SNAP23: variants seen among roughly 807,000 people sequenced by gnomAD.
SNAP23 encodes the protein synaptosome associated protein 23.
SNAP23 carries 11 observed loss-of-function variants against 29.0 expected under a neutral mutation model. The ratio of observed to expected loss-of-function variants is 0.38; its 90% confidence interval spans 0.24 to 0.63. The LOEUF (loss-of-function observed/expected upper bound fraction) is 0.63, where lower values mean the gene tolerates loss of function less well. SNAP23 is among the 20% of genes least tolerant of loss of function. The pLI is 0.58. For synonymous variants in SNAP23, 60 were observed against 82.9 expected (o/e 0.72, Z 1.50); for missense variants, 220 against 253.9 (o/e 0.87, Z 0.91).
chr15:42,494,429 CT>C (rs1185755817), upstream of SNAP23, among the ~76,000 whole-genome samples: 1 of 149,212 alleles, frequency 6.7e-6, no homozygotes, highest in Admixed American at 6.7e-5. Flanking sequence ...GAGTCTGGCA[CT>C]GTCGCCAGTG....
chr15:42,521,479 A>G, intron 5 of SNAP23: 1 of 1,343,594 alleles, frequency 7.4e-7, no homozygotes, highest in Non-Finnish European at 9.5e-7. Flanking sequence ...CTATGAAACC[A>G]GGCAGGAAAT....
chr15:42,528,493 A>G, intron 6 of SNAP23, 73 bp downstream of exon 6: 1 of 1,353,200 alleles, frequency 7.4e-7, no homozygotes, highest in East Asian at 2.3e-5. Flanking sequence ...GTTTAGCAGT[A>G]CATGACCCCT....
chr15:42,525,660 C>T (rs1014963222), intron 5 of SNAP23, among the ~76,000 whole-genome samples: 4 of 151,312 alleles, frequency 2.6e-5, no homozygotes, highest in Non-Finnish European at 4.4e-5. Flanking sequence ...GACAGGGTTT[C>T]ACCATGTTGG....
At chr15:42,496,445 G>C (rs1181318096) in intron 1 of SNAP23, among the ~76,000 whole-genome samples, 1 of 152,158 alleles carries the variant, frequency 6.6e-6, no homozygotes, top group Non-Finnish European at 1.5e-5. Flanking sequence ...GGCCGGGCTT[G>C]GTGGCTAACG....
chr15:42,492,539 G>A (rs537658932), upstream of SNAP23, among the ~76,000 whole-genome samples: 1 of 152,012 alleles, frequency 6.6e-6, no homozygotes, highest in East Asian at 1.9e-4. Context: ...TTAGCTGGGC[G>A]TGGTGGTGCG....
chr15:42,528,291 A>G lies in SNAP23; in HGVS notation c.296A>G (p.Tyr99Cys). 3 of 1,614,140 alleles carry G rather than the reference A, an allele frequency of 1.9e-6. No individual in the cohort carries two copies. The highest frequency in any genetic ancestry group is 2.2e-5 in the East Asian group (1 of 44,878). ...RTKNFESGKA[Y>C]KTTWGDGGEN... ...AAGAACTTTGAGTCTGGCAAGGCTT[A>G]TAAGACAACATGGGGAGATGGTGGA... Residue 99 changes from tyrosine (Y) to cysteine (C), a missense_variant, in exon 6 of 8, where the codon TAT (tyrosine) becomes TGT (cysteine). Tyr to Cys is a radical substitution (Grantham distance 194). Coordinates refer to ENST00000249647, the MANE Select transcript of SNAP23 (RefSeq NM_003825.4).
chr15:42,532,301 G>A lies in SNAP23; in HGVS notation c.*823G>A, dbSNP rs2057573730. On this transcript the variant is annotated 3_prime_UTR_variant, in exon 8 of 8. Coordinates refer to ENST00000249647, the MANE Select transcript of SNAP23 (RefSeq NM_003825.4). The stretch of plus-strand genomic sequence containing the variant: ...AGACAGGGTTTCACCATGTCAAGCT[G>A]GTCTTGGACTCCTGACGTCGTGATC... The A allele has an allele frequency of 1.3e-5, 2 of 152,240 alleles. No individual in the cohort carries two copies. Among genetic ancestry groups the A allele is most frequent in the African/African-American group, 4.8e-5 (2 of 41,544 alleles). 9.4% of individuals were successfully genotyped at this position (152,240 alleles called of 1,614,324 possible).
At chr15:42,531,146 C>A (rs2057560991) in intron 7 of SNAP23, among the ~76,000 whole-genome samples, 1 of 152,140 alleles carries the variant, frequency 6.6e-6, no homozygotes, top group Non-Finnish European at 1.5e-5. Context: ...ATCCCAGTTT[C>A]AGGCATGTTA....
At chr15:42,513,484 T>G in intron 4 of SNAP23, 37 bp downstream of exon 4, 1 of 1,550,434 alleles carries the variant, frequency 6.4e-7, no homozygotes, top group Non-Finnish European at 8.9e-7. Context: ...TTAATTTGAC[T>G]GTGATGCCAA....
chr15:42,514,638 C>T (rs997475322), intron 4 of SNAP23, among the ~76,000 whole-genome samples: 1 of 151,820 alleles, frequency 6.6e-6, no homozygotes, highest in Non-Finnish European at 1.5e-5. Flanking sequence ...GTCAAAGTAC[C>T]CTTAACTTGG....
At chr15:42,501,420 A>T (rs1322732850) in intron 1 of SNAP23, among the ~76,000 whole-genome samples, 1 of 152,078 alleles carries the variant, frequency 6.6e-6, no homozygotes, top group Non-Finnish European at 1.5e-5. Flanking sequence ...TTTGTTTTTT[A>T]AGACAGTCTT....
chr15:42,502,366 C>A (rs1033870600), intron 1 of SNAP23, among the ~76,000 whole-genome samples: 7 of 152,108 alleles, frequency 4.6e-5, no homozygotes, highest in Non-Finnish European at 1.0e-4. Context: ...CTCTTAATAT[C>A]GGAATATTTG....
Position 42,531,646 on chromosome 15 carries a change from G to T in SNAP23, c.*168G>T. On this transcript the variant is annotated 3_prime_UTR_variant, in exon 8 of 8. Transcript: ENST00000249647. ...CTCCTTCTTTTTTGTTTTCTGTTGA[G>T]GGCCGACTGCTGCTCTGCCTTCCTT... 2.1e-6 allele frequency: 1 copy of T among 474,574 alleles called. No homozygotes were observed. Among genetic ancestry groups the T allele is most frequent in the Non-Finnish European group, 3.7e-6 (1 of 270,068 alleles). The allele number at this position is 474,574 out of a possible 1,614,324, so 29.4% of individuals were successfully genotyped here.
chr15:42,519,059 T>C (rs1366263486), intron 5 of SNAP23, among the ~76,000 whole-genome samples: 1 of 149,972 alleles, frequency 6.7e-6, no homozygotes, highest in African/African-American at 2.4e-5. Context: ...CTTCTTCTTT[T>C]TTTTTTTTTT....
In SNAP23 at chr15:42,496,769, A is replaced by C. The variant is rs2057223015; in HGVS notation, c.-15+1056A>C. 2.0e-5 allele frequency among the ~76,000 whole-genome samples: 3 copies of C among 152,126 alleles called. No individual in the cohort carries two copies. In the South Asian group the frequency reaches 6.2e-4, roughly 32 times the overall value. ...CTCGAGACTGGGTAATTTATAAAGG[A>C]AGGAAGTTTAATTGACTCTCAGTTC... On this transcript the variant is annotated intron_variant, in intron 1 of 7. Transcript: ENST00000249647.
At chr15:42,500,503 C>G (rs2057260380) in intron 1 of SNAP23, among the ~76,000 whole-genome samples, 1 of 151,760 alleles carries the variant, frequency 6.6e-6, no homozygotes, top group South Asian at 2.1e-4. Flanking sequence ...ATTCTCCTGC[C>G]TCAGCCTCCT....
At chr15:42,525,017 T>G (rs562300066) in intron 5 of SNAP23, among the ~76,000 whole-genome samples, 2 of 152,104 alleles carry the variant, frequency 1.3e-5, no homozygotes, top group East Asian at 3.9e-4. Flanking sequence ...AAACAAGTAG[T>G]TTTTTTCCCC....
chr15:42,529,598 TA>T, intron 6 of SNAP23, 76 bp from the exon 7 acceptor site: 1 of 1,495,674 alleles, frequency 6.7e-7, no homozygotes, highest in Non-Finnish European at 9.1e-7. Context: ...TTTGGTTACT[TA>T]CTTTTGTGAA....
In SNAP23 at chr15:42,509,584, C is replaced by T. The variant is rs192532135; in HGVS notation, c.-14-2249C>T. Among the ~76,000 whole-genome samples the T allele has an allele frequency of 1.2e-4, 18 of 151,866 alleles. No individual in the cohort carries two copies. The East Asian group carries it at 3.1e-3, about 26-fold the overall frequency. ...CCTCCCGAGTAGCTGGGATTACAGG[C>T]GCTCACCACCACTCCCGGCTAATTT... On this transcript the variant is annotated intron_variant, in intron 1 of 7. Transcript: ENST00000249647.
Sources: gnomAD v4.1 joint callset for allele counts (sites outside exome capture counted in the v4.1 genomes callset) on GRCh38, gnomAD v4.1.1 for gene constraint, MANE v1.5 for transcripts, NCBI Gene and HGNC (gene_info 2026-07-23, HGNC 2026-07-21) for gene names.